SIPA1L1: variants seen among roughly 807,000 people sequenced by gnomAD.
The protein encoded by SIPA1L1 is signal induced proliferation associated 1 like 1.
In SIPA1L1, 26 loss-of-function variants were observed where a neutral mutation model predicts 162.7. The observed-to-expected ratio is 0.16, with a 90% CI of 0.12 to 0.22. SIPA1L1 has a LOEUF of 0.22. Among genes scored for constraint, SIPA1L1 ranks in the 10% least tolerant of loss-of-function variants. The pLI is 1.00. For missense variants in SIPA1L1, 1,874 were observed against 2,241.0 expected, an observed-to-expected ratio of 0.84 and a Z score of 3.31; for synonymous variants, 829 against 837.4, an observed-to-expected ratio of 0.99 and a Z score of 0.17.
chr14:71,384,504 G>C (rs1010310700), intron 2 of SIPA1L1, among the ~76,000 whole-genome samples: 9 of 152,084 alleles, frequency 5.9e-5, no homozygotes, highest in Admixed American at 2.0e-4. Flanking sequence ...GGAGCTTCTG[G>C]GCTTTTCTGC....
chr14:71,468,199 A>C (rs987051987), intron 2 of SIPA1L1, among the ~76,000 whole-genome samples: 5 of 152,228 alleles, frequency 3.3e-5, no homozygotes, highest in African/African-American at 1.2e-4. Context: ...GACAGAAGAA[A>C]TAAAAGGCAT....
rs77041751 is a variant in SIPA1L1 at position 71,645,978 on chromosome 14, A to G, written c.1819-4357A>G. ...AGAATGTAAGAATTGAGTTGTTCTC[A>G]TCGTTTGTTCTACCCCAGTGGCCGC... is the stretch of plus-strand genomic sequence containing the variant. On this transcript the variant is annotated intron_variant, in intron 7 of 23. Transcript: ENST00000381232. Among the ~76,000 whole-genome samples the G allele has an allele frequency of 2.4e-3, 368 of 152,290 alleles. 2 individuals are homozygous for G. Among genetic ancestry groups the G allele is most frequent in the Non-Finnish European group, 4.4e-3 (301 of 68,020 alleles).
intron 5 of SIPA1L1, among the ~76,000 whole-genome samples, chr14:71,605,377 CT>C (rs1321929583): frequency 2.0e-5 from 3 of 151,938 alleles, no homozygotes; most frequent in Non-Finnish European, 4.4e-5. Context: ...TTGTATATTT[CT>C]TTTTGTTTGG....
At chr14:71,583,699 T>A (rs2034236522) in intron 4 of SIPA1L1, among the ~76,000 whole-genome samples, 1 of 152,142 alleles carries the variant, frequency 6.6e-6, no homozygotes. Flanking sequence ...AAAAAAAATT[T>A]TTTTCATTAT....
At chr14:71,351,693 T>C (rs2036726166) in intron 2 of SIPA1L1, among the ~76,000 whole-genome samples, 1 of 152,202 alleles carries the variant, frequency 6.6e-6, no homozygotes. Flanking sequence ...AGAAGCGTTA[T>C]TCAGACAGAA....
At chr14:71,681,162 G>A (rs2045768248) in intron 12 of SIPA1L1, among the ~76,000 whole-genome samples, 1 of 152,162 alleles carries the variant, frequency 6.6e-6, no homozygotes, top group South Asian at 2.1e-4. Flanking sequence ...CACAGTCCTG[G>A]TAGACTTCAC....
At chr14:71,376,197 G>T (rs557872796) in intron 2 of SIPA1L1, among the ~76,000 whole-genome samples, 3 of 152,148 alleles carry the variant, frequency 2.0e-5, no homozygotes, top group African/African-American at 7.2e-5. Flanking sequence ...TTAAATAACA[G>T]ATTTGATGTC....
chr14:71,396,739 A>T (rs963008509), intron 2 of SIPA1L1, among the ~76,000 whole-genome samples: 5 of 152,156 alleles, frequency 3.3e-5, no homozygotes, highest in Non-Finnish European at 7.3e-5. Flanking sequence ...GTAGTTTATC[A>T]TATGTTATAT....
intron 14 of SIPA1L1, among the ~76,000 whole-genome samples, chr14:71,700,994 CAAAAAAAAAAAAAAAAAAAAAAAAA>C (rs539293669): frequency 1.9e-5 from 1 of 51,750 alleles, no homozygotes; most frequent in Non-Finnish European, 3.4e-5. Flanking sequence ...GACTCCGTCT[CAAAAAAAAAAAAAAAAAAAAAAAAA>C]AAAAAAAAAA....
At chr14:71,635,280 AAAAC>A (rs1165123219) in intron 7 of SIPA1L1, among the ~76,000 whole-genome samples, 4 of 152,212 alleles carry the variant, frequency 2.6e-5, no homozygotes, top group Non-Finnish European at 2.9e-5. Context: ...ACTCCATCTC[AAAAC>A]AAACAAACAA....
intron 8 of SIPA1L1, among the ~76,000 whole-genome samples, chr14:71,654,690 G>A (rs1271923142): frequency 1.3e-5 from 2 of 152,180 alleles, no homozygotes; most frequent in Non-Finnish European, 1.5e-5. Context: ...TCATGTGATT[G>A]TCAAGGTGAC....
chr14:71,710,781 C>T (rs1208918838), intron 17 of SIPA1L1, among the ~76,000 whole-genome samples: 1 of 142,096 alleles, frequency 7.0e-6, no homozygotes, highest in East Asian at 2.0e-4. Context: ...GCACTCCAGC[C>T]TGGGCAACAG....
intron 22 of SIPA1L1, 25 bp downstream of exon 22, chr14:71,735,416 C>G: frequency 6.7e-7 from 1 of 1,482,816 alleles, no homozygotes; most frequent in Non-Finnish European, 9.4e-7. Flanking sequence ...AAGGGCAGTA[C>G]TCTGCACCTT....
chr14:71,680,612 A>G (rs1182319710), intron 12 of SIPA1L1, among the ~76,000 whole-genome samples: 2 of 152,226 alleles, frequency 1.3e-5, no homozygotes. Flanking sequence ...GAGACACAAA[A>G]AACCCTTCAA....
intron 2 of SIPA1L1, among the ~76,000 whole-genome samples, chr14:71,428,434 CTGA>C (rs2043744623): frequency 6.6e-6 from 1 of 150,748 alleles, no homozygotes; most frequent in South Asian, 2.1e-4. Flanking sequence ...TGTCTGTGTG[CTGA>C]TGATCAATCT....
intron 2 of SIPA1L1, among the ~76,000 whole-genome samples, chr14:71,425,242 C>A (rs1343428150): frequency 6.6e-6 from 1 of 151,812 alleles, no homozygotes; most frequent in Admixed American, 6.6e-5. Flanking sequence ...TGTTGTTTTT[C>A]TTTTGTTTAG....
At chr14:71,727,808 TAA>T (rs926262485) in intron 19 of SIPA1L1, among the ~76,000 whole-genome samples, 81 of 152,254 alleles carry the variant, frequency 5.3e-4, no homozygotes, top group African/African-American at 1.7e-3. Flanking sequence ...AGACTGGAGT[TAA>T]AGAGGATGGG....
intron 2 of SIPA1L1, among the ~76,000 whole-genome samples, chr14:71,504,588 G>A (rs1398534487): frequency 6.6e-6 from 1 of 151,804 alleles, no homozygotes; most frequent in East Asian, 1.9e-4. Flanking sequence ...TATTATTAAG[G>A]AAAAAAATGC....
At chr14:71,671,867 A>G (rs1255960728) in intron 11 of SIPA1L1, among the ~76,000 whole-genome samples, 175 bp downstream of exon 11, 2 of 151,394 alleles carry the variant, frequency 1.3e-5, no homozygotes, top group Non-Finnish European at 2.9e-5. Context: ...GATGTTTCGG[A>G]AAAGTAGAAC....
Sources: allele counts gnomAD v4.1 joint callset (sites outside exome capture counted in the v4.1 genomes callset), GRCh38; gene constraint gnomAD v4.1.1; transcripts MANE v1.5; gene names NCBI Gene and HGNC (gene_info 2026-07-23, HGNC 2026-07-21).